Variants in LRFN5 observed in about 807,000 individuals in gnomAD.
LRFN5 encodes the protein leucine rich repeat and fibronectin type III domain containing 5, also known as leucine-rich repeat and fibronectin type-III domain-containing protein 5.
In LRFN5, 24 loss-of-function variants were observed where a neutral mutation model predicts 45.6. That is an observed-to-expected ratio of 0.53 (90% confidence interval 0.38 to 0.74). LRFN5 has a LOEUF of 0.74. Among genes scored for constraint, LRFN5 ranks in the 30% least tolerant of loss-of-function variants. The pLI is 0.00. For synonymous variants in LRFN5, 340 were observed against 313.8 expected, an observed-to-expected ratio of 1.08 and a Z score of -0.88; for missense variants, 776 against 861.5, an observed-to-expected ratio of 0.90 and a Z score of 1.24.
At chr14:41,662,858 T>G (rs1032523646) in intron 1 of LRFN5, among the ~76,000 whole-genome samples, 1 of 152,108 alleles carries the variant, frequency 6.6e-6, no homozygotes, top group Non-Finnish European at 1.5e-5. Context: ...TCTGCATCCA[T>G]TGATCCCAGT....
chr14:41,769,547 T>C (rs1434088137), intron 2 of LRFN5, among the ~76,000 whole-genome samples: 1 of 152,216 alleles, frequency 6.6e-6, no homozygotes, highest in East Asian at 1.9e-4. Context: ...TGTATATATG[T>C]ATATATGTGT....
At chr14:41,813,485 G>A (rs149377761) in intron 2 of LRFN5, among the ~76,000 whole-genome samples, 1 of 152,042 alleles carries the variant, frequency 6.6e-6, no homozygotes, top group Non-Finnish European at 1.5e-5. Flanking sequence ...GAGAACAATG[G>A]TTTCCAGCTT....
chr14:41,755,435 G>C (rs924277336), intron 1 of LRFN5, among the ~76,000 whole-genome samples: 4 of 152,172 alleles, frequency 2.6e-5, no homozygotes, highest in African/African-American at 9.7e-5. Context: ...CTTGCTTTAT[G>C]AATCTGGGTC....
intron 2 of LRFN5, among the ~76,000 whole-genome samples, chr14:41,800,632 A>C (rs758450148): frequency 2.6e-5 from 4 of 151,902 alleles, no homozygotes; most frequent in Non-Finnish European, 5.9e-5. Context: ...TGAGATACAA[A>C]CTAAAGTCTA....
rs373989159 is a variant in LRFN5 at position 41,891,620 on chromosome 14, C to T, written c.1756C>T (p.Pro586Ser). ...AATACAAGGCTGTAGTGTAACGCTGCCCCAGTCCGTGTCCAAACAAGCTGT... is the reference window on the plus strand; with the variant it reads ...AATACAAGGCTGTAGTGTAACGCTGTCCCAGTCCGTGTCCAAACAAGCTGT... ...AQIQGCSVTL[P>S]QSVSKQAVGH... The change falls in exon 4 of 6, where the codon CCC becomes TCC. Residue 586 changes from proline to serine, a missense_variant. This residue lies in a region of LRFN5 where 465 missense variants were observed against 456.4 expected (regional missense o/e 1.02). Transcript: ENST00000298119. The T allele has an allele frequency of 8.1e-6, 13 of 1,614,062 alleles. No homozygotes were observed. The highest frequency in any genetic ancestry group is 1.0e-5 in the Non-Finnish European group (12 of 1,180,042).
At chr14:41,827,876 G>C (rs565881098) in intron 2 of LRFN5, among the ~76,000 whole-genome samples, 18 of 151,868 alleles carry the variant, frequency 1.2e-4, no homozygotes, top group African/African-American at 4.3e-4. Context: ...CTTTATTTTA[G>C]CAGTAAAAAG....
intron 2 of LRFN5, among the ~76,000 whole-genome samples, chr14:41,790,771 GTCTT>G (rs1285709709): frequency 3.1e-5 from 2 of 65,558 alleles, no homozygotes; most frequent in Non-Finnish European, 5.7e-5. Flanking sequence ...GGGAACCATG[GTCTT>G]TATTCCAGAT....
At chr14:41,672,672 T>C (rs576202215) in intron 1 of LRFN5, among the ~76,000 whole-genome samples, 3 of 152,332 alleles carry the variant, frequency 2.0e-5, no homozygotes, top group Non-Finnish European at 4.4e-5. Flanking sequence ...AATGTCTCTC[T>C]GTTTTTACAT....
intron 2 of LRFN5, among the ~76,000 whole-genome samples, chr14:41,837,248 C>T (rs1888696252): frequency 7.9e-6 from 1 of 126,350 alleles, no homozygotes; most frequent in Non-Finnish European, 1.7e-5. Flanking sequence ...TCAGTTAAAT[C>T]AAGAGCATCA....
At chr14:41,747,184 A>T (rs1399626227) in intron 1 of LRFN5, among the ~76,000 whole-genome samples, 1 of 151,992 alleles carries the variant, frequency 6.6e-6, no homozygotes, top group African/African-American at 2.4e-5. Context: ...AGAAATTTTT[A>T]AAAATTCTAA....
intron 2 of LRFN5, among the ~76,000 whole-genome samples, chr14:41,830,286 T>C (rs951603213): frequency 6.6e-6 from 1 of 152,048 alleles, no homozygotes; most frequent in African/African-American, 2.4e-5. Context: ...TTCTGGCTTA[T>C]TTCATGATCA....
chr14:41,858,327 C>G (rs908590864), intron 2 of LRFN5, among the ~76,000 whole-genome samples: 17 of 152,048 alleles, frequency 1.1e-4, no homozygotes, highest in Non-Finnish European at 2.1e-4. Flanking sequence ...GAACAAGTAC[C>G]CCTTTCTCCA....
At chr14:41,707,378 T>G in intron 1 of LRFN5, among the ~76,000 whole-genome samples, 1 of 152,218 alleles carries the variant, frequency 6.6e-6, no homozygotes, top group East Asian at 1.9e-4. Context: ...CCCAAGTCAC[T>G]GAATGAATAT....
intron 2 of LRFN5, among the ~76,000 whole-genome samples, chr14:41,885,325 TAAAA>T (rs59238163): frequency 7.4e-6 from 1 of 134,264 alleles, no homozygotes; most frequent in African/African-American, 2.8e-5. Context: ...AAACTTTGTC[TAAAA>T]AAAAAAAAAA....
chr14:41,904,348 A>T lies in LRFN5; in HGVS notation c.*173A>T. 1.4e-6 allele frequency: 1 copy of T among 695,316 alleles called. No homozygotes were observed. Among genetic ancestry groups the T allele is most frequent in the Middle Eastern group, 3.3e-4 (1 of 2,996 alleles). The allele number at this position is 695,316 out of a possible 1,614,324, so 43.1% of individuals were successfully genotyped here. On this transcript the variant is annotated 3_prime_UTR_variant, in exon 6 of 6. Coordinates refer to ENST00000298119, the MANE Select transcript of LRFN5 (RefSeq NM_152447.5). ...TGATGACGGCGGAACTGGCTCCATTAGACCATGGTTCATCCTCTTTTAAAA... is the reference window on the plus strand; with the variant it reads ...TGATGACGGCGGAACTGGCTCCATTTGACCATGGTTCATCCTCTTTTAAAA...
At chr14:41,665,959 A>G (rs918331712) in intron 1 of LRFN5, among the ~76,000 whole-genome samples, 5 of 151,904 alleles carry the variant, frequency 3.3e-5, no homozygotes, top group African/African-American at 4.8e-5. Flanking sequence ...GTCAAGGAAT[A>G]TTTTCTGTAT....
intron 2 of LRFN5, among the ~76,000 whole-genome samples, chr14:41,776,704 T>C (rs1222378703): frequency 6.6e-6 from 1 of 152,136 alleles, no homozygotes; most frequent in African/African-American, 2.4e-5. Flanking sequence ...AAAGCTTTCA[T>C]TTAATGTGAT....
intron 2 of LRFN5, among the ~76,000 whole-genome samples, chr14:41,775,312 G>A (rs531023907): frequency 1.0e-3 from 156 of 151,736 alleles, no homozygotes; most frequent in African/African-American, 3.6e-3. Context: ...GGATGGTCTC[G>A]ACTCCTGACC....
chr14:41,651,806 A>G (rs944395509), intron 1 of LRFN5, among the ~76,000 whole-genome samples: 4 of 152,196 alleles, frequency 2.6e-5, no homozygotes, highest in Admixed American at 6.5e-5. Context: ...TAAATAACAG[A>G]AATTTACTTT....
Sources: gnomAD v4.1 joint callset for allele counts (sites outside exome capture counted in the v4.1 genomes callset) on GRCh38, gnomAD v4.1.1 for gene constraint, gnomAD v4.1.1 regional missense constraint, MANE v1.5 for transcripts, NCBI Gene and HGNC (gene_info 2026-07-23, HGNC 2026-07-21) for gene names.